TNIK: variants seen among roughly 807,000 people sequenced by gnomAD.
The protein encoded by TNIK is TRAF2 and NCK interacting kinase.
A neutral mutation model predicts 191.3 loss-of-function variants in TNIK; 49 were observed. The ratio of observed to expected loss-of-function variants is 0.26; its 90% CI spans 0.20 to 0.32. The LOEUF is 0.32. TNIK is among the 10% of genes least tolerant of loss of function. The pLI is 1.00. For missense variants in TNIK, 1,155 were observed against 1,702.3 expected (o/e 0.68, Z 5.66); for synonymous variants, 594 against 600.9 (o/e 0.99, Z 0.17).
At chr3:171,130,179 C>T (rs1198991831) in intron 15 of TNIK, among the ~76,000 whole-genome samples, 2 of 152,110 alleles carry the variant, frequency 1.3e-5, no homozygotes, top group Non-Finnish European at 2.9e-5. Context: ...AGCTATTTTC[C>T]CCCATCCTCC....
intron 5 of TNIK, among the ~76,000 whole-genome samples, 171 bp downstream of exon 5, chr3:171,194,354 C>T (rs558788841): frequency 6.6e-6 from 1 of 152,280 alleles, no homozygotes; most frequent in Non-Finnish European, 1.5e-5. Flanking sequence ...CAGACCTTCA[C>T]ACCAAACTAC....
At chr3:171,323,675 T>C (rs7615965) in intron 2 of TNIK, among the ~76,000 whole-genome samples, 46,142 of 151,904 alleles carry the variant, frequency 0.3, 7,157 homozygotes, top group African/African-American at 0.38. Flanking sequence ...AGAGAAGATC[T>C]GAAGTAATTT....
At chr3:171,162,525 T>C (rs1734136771) in intron 10 of TNIK, among the ~76,000 whole-genome samples, 1 of 152,188 alleles carries the variant, frequency 6.6e-6, no homozygotes, top group African/African-American at 2.4e-5. Context: ...GGGAAGCAGT[T>C]TACATGTGTG....
intron 1 of TNIK, among the ~76,000 whole-genome samples, chr3:171,398,511 C>T (rs1720518997): frequency 6.6e-6 from 1 of 152,208 alleles, no homozygotes; most frequent in Non-Finnish European, 1.5e-5. Flanking sequence ...GGAATCCAAA[C>T]TCCTCTTGGT....
intron 2 of TNIK, among the ~76,000 whole-genome samples, chr3:171,286,112 G>C (rs1156464124): frequency 6.6e-6 from 1 of 152,146 alleles, no homozygotes; most frequent in Admixed American, 6.5e-5. Context: ...AGGGGTATAT[G>C]TCTGATGATG....
At chr3:171,064,670 C>T (rs561813173) in intron 32 of TNIK, among the ~76,000 whole-genome samples, 2 of 152,190 alleles carry the variant, frequency 1.3e-5, no homozygotes, top group East Asian at 1.9e-4. Context: ...AACTGACAAA[C>T]GTGAGAAAAA....
rs560231967 is a variant in TNIK at position 171,409,739 on chromosome 3, G to A, written c.58-40054C>T. On this transcript the variant is annotated intron_variant, in intron 1 of 32. Coordinates refer to ENST00000436636, the MANE Select transcript of TNIK (RefSeq NM_015028.4). ...CATCACATGGGTGTCAGAGAATCCT[G>A]TGCATCTAATCATTTTCAATTGTCA... Among the ~76,000 whole-genome samples the A allele has an allele frequency of 1.0e-4, 15 of 148,854 alleles. No homozygotes were observed. In the South Asian group the frequency reaches 3.3e-3, roughly 33 times the overall value.
chr3:171,124,937 CCTTTT>C (rs1206707521), intron 17 of TNIK, among the ~76,000 whole-genome samples: 1 of 152,082 alleles, frequency 6.6e-6, no homozygotes, highest in Non-Finnish European at 1.5e-5. Flanking sequence ...CCCTATGTAC[CCTTTT>C]TTTTCTGATG....
chr3:171,225,988 C>A (rs534935330), intron 3 of TNIK, among the ~76,000 whole-genome samples: 1 of 152,230 alleles, frequency 6.6e-6, no homozygotes, highest in East Asian at 1.9e-4. Context: ...AGCTGAATTG[C>A]AAAACAAATT....
chr3:171,232,645 A>G (rs1322579224), intron 2 of TNIK, among the ~76,000 whole-genome samples: 1 of 152,186 alleles, frequency 6.6e-6, no homozygotes, highest in Non-Finnish European at 1.5e-5. Context: ...AAGCCTATCC[A>G]CCAGAAAGGA....
At chr3:171,415,796 C>T (rs1722967358) in intron 1 of TNIK, among the ~76,000 whole-genome samples, 1 of 151,480 alleles carries the variant, frequency 6.6e-6, no homozygotes, top group Non-Finnish European at 1.5e-5. Context: ...GCCTGGCCAA[C>T]ATGGTGAAAC....
intron 22 of TNIK, among the ~76,000 whole-genome samples, 152 bp downstream of exon 22, chr3:171,101,297 G>T (rs1723514598): frequency 6.6e-6 from 1 of 152,054 alleles, no homozygotes. Flanking sequence ...GATAATTATA[G>T]AACTATGCTC....
chr3:171,272,646 A>G (rs958494096), intron 2 of TNIK, among the ~76,000 whole-genome samples: 7 of 150,832 alleles, frequency 4.6e-5, no homozygotes, highest in African/African-American at 1.5e-4. Context: ...TTGCATTTTC[A>G]TTTCCTTCAT....
rs562856294 is a variant in TNIK, at chr3:171,333,584, G to GAAAAAAA, written c.123+36029_123+36035dup. Among the ~76,000 whole-genome samples, 792 of 114,214 alleles carry GAAAAAAA rather than the reference G, an allele frequency of 6.9e-3. 5 individuals carry two copies. The highest frequency in any genetic ancestry group is 0.021 in the African/African-American group (692 of 32,342). 74.9% of individuals were successfully genotyped at this position (114,214 alleles called of 152,430 possible). On this transcript the variant is annotated intron_variant, in intron 2 of 32. Transcript: ENST00000436636. Reference sequence around the variant, plus strand: ...GAGACTCAGATGTCTCAAAAAGAAAGAAAAAAAAAAAAAAAAAAAACCTAC... The same window carrying GAAAAAAA: ...GAGACTCAGATGTCTCAAAAAGAAAGAAAAAAAAAAAAAAAAAAAAAAAAAAACCTAC...
chr3:171,361,294 C>A (rs548461428), intron 2 of TNIK, among the ~76,000 whole-genome samples: 1 of 152,200 alleles, frequency 6.6e-6, no homozygotes, highest in Non-Finnish European at 1.5e-5. Context: ...GTGAAGGCTG[C>A]GAACCACTAG....
intron 2 of TNIK, among the ~76,000 whole-genome samples, chr3:171,232,393 G>GA (rs1330503717): frequency 2.0e-5 from 3 of 150,024 alleles, no homozygotes; most frequent in East Asian, 3.9e-4. Context: ...ATTCTGAAAA[G>GA]AAAAAACTTC....
chr3:171,235,395 G>A (rs1330978261), intron 2 of TNIK, among the ~76,000 whole-genome samples: 1 of 152,172 alleles, frequency 6.6e-6, no homozygotes. Flanking sequence ...CCCTAGGTGT[G>A]GGGGCTCAAA....
chr3:171,083,542 G>A (rs1455167059), intron 26 of TNIK, among the ~76,000 whole-genome samples: 2 of 152,190 alleles, frequency 1.3e-5, no homozygotes, highest in African/African-American at 4.8e-5. Flanking sequence ...TCCTGAGTTT[G>A]AGGTCAGCTA....
chr3:171,309,911 G>C (rs1753839906), intron 2 of TNIK, among the ~76,000 whole-genome samples: 1 of 151,932 alleles, frequency 6.6e-6, no homozygotes, highest in Non-Finnish European at 1.5e-5. Flanking sequence ...TGTCCTCTTG[G>C]GGAGAAAAAC....
Sources: gnomAD v4.1 joint callset for allele counts (sites outside exome capture counted in the v4.1 genomes callset) on GRCh38, gnomAD v4.1.1 for gene constraint, MANE v1.5 for transcripts, NCBI Gene and HGNC (gene_info 2026-07-23, HGNC 2026-07-21) for gene names.